Variants in CACNB2 observed in about 807,000 individuals in gnomAD.
The protein encoded by CACNB2 is calcium voltage-gated channel auxiliary subunit beta 2, also known as voltage-dependent L-type calcium channel subunit beta-2.
A neutral mutation model predicts 73.3 loss-of-function variants in CACNB2; 42 were observed. That is an observed-to-expected ratio of 0.57 (90% CI 0.45 to 0.74). The LOEUF (loss-of-function observed/expected upper bound fraction) is 0.74, where lower values mean the gene tolerates loss of function less well. CACNB2 is among the 30% of genes least tolerant of loss of function. CACNB2 has a pLI of 0.00. For missense variants in CACNB2, 940 were observed against 853.0 expected, an observed-to-expected ratio of 1.10 and a Z score of -1.27; for synonymous variants, 348 against 310.3, an observed-to-expected ratio of 1.12 and a Z score of -1.28.
intron 2 of CACNB2, among the ~76,000 whole-genome samples, chr10:18,367,211 T>A (rs1296748425): frequency 3.9e-5 from 1 of 25,800 alleles, no homozygotes; most frequent in African/African-American, 1.6e-4. Flanking sequence ...CAAATAGTAT[T>A]TTTTTTTTTT....
intron 2 of CACNB2, among the ~76,000 whole-genome samples, chr10:18,374,149 G>A (rs2042698289): frequency 6.6e-6 from 1 of 152,176 alleles, no homozygotes; most frequent in Admixed American, 6.6e-5. Context: ...GGAAAAGCCT[G>A]CAGAGATGAT....
At chr10:18,481,222 A>T (rs1564599658) in intron 3 of CACNB2, among the ~76,000 whole-genome samples, 10 of 13,636 alleles carry the variant, frequency 7.3e-4, no homozygotes, top group Non-Finnish European at 6.5e-4. Context: ...ATATATATAT[A>T]TATATATATT....
intron 2 of CACNB2, among the ~76,000 whole-genome samples, chr10:18,315,499 TAAA>T (rs756721525): frequency 1.0e-4 from 4 of 39,520 alleles, no homozygotes; most frequent in Non-Finnish European, 1.7e-4. Context: ...TGTCTCTATT[TAAA>T]AAAAAAAAAA....
At position 18,518,380 on chromosome 10, in the gene CACNB2, A is replaced by G; in HGVS notation, c.849A>G (p.Pro283=). 6.2e-7 allele frequency: 1 copy of G among 1,613,576 alleles called. No homozygotes were observed. Among genetic ancestry groups the G allele is most frequent in the Non-Finnish European group, 8.5e-7 (1 of 1,179,534 alleles). ...ATGATGTGGTACCTTCCATGCGACC[A>G]GTGGTCCTAGTGGGCCCTTCTCTGA... The part of the protein sequence containing the change: ...PPYDVVPSMR[P]VVLVGPSLKG... The change falls in exon 8 of 14, where the codon CCA becomes CCG. Residue 283 remains proline (P), a synonymous_variant. Coordinates refer to ENST00000324631, the MANE Select transcript of CACNB2 (RefSeq NM_201596.3).
intron 3 of CACNB2, among the ~76,000 whole-genome samples, chr10:18,495,548 T>C (rs1447652573): frequency 7.1e-5 from 2 of 28,120 alleles, no homozygotes; most frequent in Non-Finnish European, 1.2e-4. Context: ...ATAAAAACTG[T>C]GTGTGTGTGT....
chr10:18,198,493 T>TG (rs2034727234), intron 2 of CACNB2, among the ~76,000 whole-genome samples: 1 of 152,190 alleles, frequency 6.6e-6, no homozygotes, highest in Admixed American at 6.5e-5. Context: ...TTCCTTTCCA[T>TG]GGTGTGTCAC....
intron 2 of CACNB2, among the ~76,000 whole-genome samples, chr10:18,337,892 T>G (rs900345041): frequency 6.6e-6 from 1 of 152,206 alleles, no homozygotes; most frequent in Admixed American, 6.5e-5. Flanking sequence ...GAAATGAAAC[T>G]GGATCGTTAT....
chr10:18,435,655 T>A (rs1036200650), intron 3 of CACNB2, among the ~76,000 whole-genome samples: 1 of 151,940 alleles, frequency 6.6e-6, no homozygotes, highest in Non-Finnish European at 1.5e-5. Flanking sequence ...CACACTACCA[T>A]ATCCAGATAA....
intron 3 of CACNB2, among the ~76,000 whole-genome samples, chr10:18,410,095 C>T (rs896910958): frequency 6.6e-6 from 1 of 152,160 alleles, no homozygotes. Flanking sequence ...TCCAGTTCCA[C>T]CTCCTTGCCA....
At chr10:18,471,188 C>G (rs1046393562) in intron 3 of CACNB2, among the ~76,000 whole-genome samples, 2 of 152,088 alleles carry the variant, frequency 1.3e-5, no homozygotes, top group Non-Finnish European at 2.9e-5. Context: ...TGCCTGTAAT[C>G]CCAGCTACTC....
intron 2 of CACNB2, among the ~76,000 whole-genome samples, chr10:18,152,277 GA>G (rs1564297811): frequency 6.6e-6 from 1 of 152,122 alleles, no homozygotes; most frequent in Non-Finnish European, 1.5e-5. Flanking sequence ...TTGGCAACTG[GA>G]AAAAAACTGG....
At chr10:18,254,101 G>A (rs2037188940) in intron 2 of CACNB2, among the ~76,000 whole-genome samples, 1 of 152,200 alleles carries the variant, frequency 6.6e-6, no homozygotes, top group African/African-American at 2.4e-5. Context: ...CTTTGGTTAT[G>A]AGAGAATCAG....
chr10:18,140,856 G>A lies in CACNB2; in HGVS notation c.120G>A (p.Gln40=). Residue 40 remains glutamine (Q), a splice_region_variant and synonymous_variant, in exon 1 of 14, where the codon CAG becomes CAA. Coordinates refer to ENST00000324631, the MANE Select transcript of CACNB2 (RefSeq NM_201596.3). ...CGGGGGCGCTCGGAGCCGCCGCACA[G>A]GTAGCGAGAGCGCGGCGCCTTCTCC... ...APAGALGAAA[Q]SYGKGARRKN... is the part of the protein sequence containing the mutation. The A allele has an allele frequency of 6.3e-7, 1 of 1,598,380 alleles. No homozygotes were observed. Among genetic ancestry groups the A allele is most frequent in the Non-Finnish European group, 8.5e-7 (1 of 1,174,580 alleles).
chr10:18,163,764 G>T (rs2032646203), intron 2 of CACNB2, among the ~76,000 whole-genome samples: 1 of 152,146 alleles, frequency 6.6e-6, no homozygotes, highest in African/African-American at 2.4e-5. Context: ...TGGTAGAGTG[G>T]GTGGGAATGG....
intron 7 of CACNB2, among the ~76,000 whole-genome samples, chr10:18,515,505 C>T (rs1048800448): frequency 1.3e-5 from 2 of 152,202 alleles, no homozygotes; most frequent in African/African-American, 4.8e-5. Flanking sequence ...CCTCTGCAAA[C>T]ATGTATTTTG....
chr10:18,294,540 T>A (rs979063527), intron 2 of CACNB2, among the ~76,000 whole-genome samples: 1 of 152,122 alleles, frequency 6.6e-6, no homozygotes, highest in African/African-American at 2.4e-5. Context: ...AAGTAGTACA[T>A]AAGATGGTGA....
At chr10:18,400,920 G>A in intron 2 of CACNB2, 2 of 1,573,648 alleles carry the variant, frequency 1.3e-6, no homozygotes, top group Admixed American at 1.9e-5. Flanking sequence ...GGAGAACAGG[G>A]GCTTGCCCAG....
At chr10:18,397,739 A>T in intron 2 of CACNB2, among the ~76,000 whole-genome samples, 1 of 151,740 alleles carries the variant, frequency 6.6e-6, no homozygotes, top group African/African-American at 2.4e-5. Context: ...AAAAAAAAAA[A>T]AAAAGTGGAA....
At chr10:18,179,012 C>A (rs140937476) in intron 2 of CACNB2, among the ~76,000 whole-genome samples, 57 of 152,264 alleles carry the variant, frequency 3.7e-4, no homozygotes, top group African/African-American at 1.3e-3. Flanking sequence ...AACCTTCCAG[C>A]AGGTCTGTGC....
Sources: gnomAD v4.1 joint callset for allele counts (sites outside exome capture counted in the v4.1 genomes callset) on GRCh38, gnomAD v4.1.1 for gene constraint, MANE v1.5 for transcripts, NCBI Gene and HGNC (gene_info 2026-07-23, HGNC 2026-07-21) for gene names.